Variants in KALRN observed in about 807,000 individuals in gnomAD.
KALRN encodes the protein kalirin.
In KALRN, 70 loss-of-function variants were observed where a neutral mutation model predicts 353.7. That is an observed-to-expected ratio of 0.20 (90% CI 0.16 to 0.24). The LOEUF is 0.24. KALRN is among the 10% of genes least tolerant of loss of function. The pLI is 1.00. For synonymous variants in KALRN, 1,391 were observed against 1,434.8 expected, an observed-to-expected ratio of 0.97 and a Z score of 0.69; for missense variants, 2,791 against 3,756.7, an observed-to-expected ratio of 0.74 and a Z score of 6.72.
At chr3:124,574,709 C>T (rs2073911278) in intron 34 of KALRN, among the ~76,000 whole-genome samples, 1 of 152,222 alleles carries the variant, frequency 6.6e-6, no homozygotes, top group South Asian at 2.1e-4. Flanking sequence ...AAGCTGAACA[C>T]TTTCCCCCTA....
In KALRN at chr3:124,455,328, C is replaced by T; in HGVS notation, c.3704C>T (p.Ser1235Leu). The change falls in exon 22 of 60, where the codon TCA (serine) becomes TTA (leucine). Residue 1235 changes from serine (S) to leucine (L), a missense_variant. By Grantham distance (145) the Ser-to-Leu change is moderately radical (BLOSUM62 -2). Around this residue, in one of 11 missense-constraint regions of KALRN, gnomAD observed 268 missense variants for 347.0 expected, o/e 0.77. Transcript: ENST00000682506. ...FSLRMGKYRY[S>L]LEKALGVNTE... ...CTGAGGATGGGAAAGTACCGATACT[C>T]ACTGGAGAAAGCCCTAGGAGTCAAC... The T allele has an allele frequency of 6.2e-7, 1 of 1,614,120 alleles. No homozygotes were observed. The highest frequency in any genetic ancestry group is 8.5e-7 in the Non-Finnish European group (1 of 1,180,004).
At chr3:124,067,146 A>G (rs2042428526) in intron 1 of KALRN, among the ~76,000 whole-genome samples, 1 of 152,136 alleles carries the variant, frequency 6.6e-6, no homozygotes, top group Admixed American at 6.5e-5. Flanking sequence ...TTAGTCCACA[A>G]CTTCTTCATG....
intron 33 of KALRN, among the ~76,000 whole-genome samples, chr3:124,547,895 C>G (rs2069920908): frequency 6.6e-6 from 1 of 152,128 alleles, no homozygotes; most frequent in Non-Finnish European, 1.5e-5. Context: ...TCATTCTTCT[C>G]CCTGTTTGCT....
At chr3:124,706,715 G>A (rs1382195757) in intron 57 of KALRN, among the ~76,000 whole-genome samples, 1 of 151,824 alleles carries the variant, frequency 6.6e-6, no homozygotes, top group Admixed American at 6.6e-5. Context: ...AATTACAGGT[G>A]CCTGCCACCA....
chr3:124,662,068 C>G, intron 45 of KALRN, 140 bp downstream of exon 45: 1 of 700,106 alleles, frequency 1.4e-6, no homozygotes, highest in South Asian at 1.6e-5. Flanking sequence ...CCGGGCCCCT[C>G]TGGTTCACAG....
At chr3:124,670,471 G>A (rs999705426) in intron 47 of KALRN, among the ~76,000 whole-genome samples, 2 of 152,206 alleles carry the variant, frequency 1.3e-5, no homozygotes, top group African/African-American at 4.8e-5. Flanking sequence ...AAGAGACAAG[G>A]ATGTGATGAC....
chr3:124,634,748 G>A (rs1166855620), intron 36 of KALRN, among the ~76,000 whole-genome samples: 2 of 152,000 alleles, frequency 1.3e-5, no homozygotes, highest in African/African-American at 2.4e-5. Flanking sequence ...GACTCTGGAC[G>A]TGGAAGCGGC....
At chr3:124,144,772 A>G (rs886658284) in intron 1 of KALRN, among the ~76,000 whole-genome samples, 7 of 151,724 alleles carry the variant, frequency 4.6e-5, no homozygotes, top group Non-Finnish European at 1.0e-4. Flanking sequence ...CTAGACTTTC[A>G]TAAACGAGTC....
chr3:124,451,945 G>A (rs2058826159), intron 21 of KALRN, among the ~76,000 whole-genome samples: 1 of 152,144 alleles, frequency 6.6e-6, no homozygotes, highest in South Asian at 2.1e-4. Context: ...ATCCCTGTCT[G>A]TACAGTTTAA....
chr3:124,409,550 G>A (rs752622274), intron 13 of KALRN, among the ~76,000 whole-genome samples: 11 of 152,170 alleles, frequency 7.2e-5, no homozygotes, highest in Admixed American at 3.9e-4. Flanking sequence ...AGGGCTATTA[G>A]GCTAGTGAAG....
chr3:124,704,692 C>T (rs2062511461), intron 57 of KALRN, among the ~76,000 whole-genome samples: 2 of 152,080 alleles, frequency 1.3e-5, no homozygotes, highest in Admixed American at 1.3e-4. Context: ...GGACTACAGG[C>T]GTGAGCCATC....
At chr3:124,212,159 A>G (rs1026807882) in intron 1 of KALRN, among the ~76,000 whole-genome samples, 1 of 152,182 alleles carries the variant, frequency 6.6e-6, no homozygotes, top group Non-Finnish European at 1.5e-5. Context: ...TGGTCTTTAT[A>G]TACTTTTACA....
intron 3 of KALRN, among the ~76,000 whole-genome samples, chr3:124,258,682 TGTGTGAC>T (rs1349011014): frequency 2.6e-5 from 4 of 152,252 alleles, no homozygotes. Context: ...TGCCAGGCAC[TGTGTGAC>T]TCCTGAATAA....
intron 57 of KALRN, among the ~76,000 whole-genome samples, chr3:124,707,010 G>T (rs2062650380): frequency 1.3e-5 from 2 of 151,848 alleles, no homozygotes; most frequent in Non-Finnish European, 2.9e-5. Flanking sequence ...CAATACCTGG[G>T]TATCAAATTA....
Position 124,375,053 on chromosome 3 carries a change from T to C in KALRN, c.1771-9792T>C, listed in dbSNP as rs189756443. On this transcript the variant is annotated intron_variant, in intron 10 of 59. Transcript: ENST00000682506. ...AAATATTTTTGTCCACATTTTTATGTTGTGGCTACATGTTCCCCTTCATTG... is the reference window on the plus strand; with the variant it reads ...AAATATTTTTGTCCACATTTTTATGCTGTGGCTACATGTTCCCCTTCATTG... Among the ~76,000 whole-genome samples the C allele has an allele frequency of 3.9e-4, 59 of 152,324 alleles. 1 individual carries two copies. Among genetic ancestry groups the C allele is most frequent in the Admixed American group, 1.1e-3 (17 of 15,300 alleles).
intron 1 of KALRN, among the ~76,000 whole-genome samples, chr3:124,220,043 C>G (rs1457758523): frequency 2.6e-5 from 4 of 151,988 alleles, no homozygotes; most frequent in Admixed American, 2.6e-4. Context: ...CTCCCGGGTT[C>G]AAGCACTTCT....
chr3:124,414,025 C>T (rs2092353247), intron 14 of KALRN, among the ~76,000 whole-genome samples: 1 of 151,914 alleles, frequency 6.6e-6, no homozygotes, highest in Non-Finnish European at 1.5e-5. Flanking sequence ...AGAATCGCTT[C>T]AACCTGGGAG....
At chr3:124,216,702 G>T (rs1035060230) in intron 1 of KALRN, among the ~76,000 whole-genome samples, 1 of 152,138 alleles carries the variant, frequency 6.6e-6, no homozygotes, top group Non-Finnish European at 1.5e-5. Flanking sequence ...TTCCTATTTA[G>T]CACTTAACAT....
chr3:124,666,018 C>A (rs1464302841), intron 45 of KALRN, among the ~76,000 whole-genome samples: 1 of 152,142 alleles, frequency 6.6e-6, no homozygotes, highest in Non-Finnish European at 1.5e-5. Context: ...GCCCTTGGTC[C>A]TTGGCCCATA....
Sources: allele counts gnomAD v4.1 joint callset (sites outside exome capture counted in the v4.1 genomes callset), GRCh38; gene constraint gnomAD v4.1.1; regional missense constraint gnomAD v4.1.1; transcripts MANE v1.5; gene names NCBI Gene and HGNC (gene_info 2026-07-23, HGNC 2026-07-21).